The following FRYL variants were observed in gnomAD, a reference collection of about 807,000 sequenced individuals.
FRYL encodes the protein FRY like transcription coactivator, also known as protein furry homolog-like.
A neutral mutation model predicts 351.2 loss-of-function variants in FRYL; 150 were observed. The observed-to-expected ratio is 0.43, with a 90% confidence interval of 0.37 to 0.49. FRYL has a LOEUF of 0.49. FRYL is among the 20% of genes least tolerant of loss of function. The probability of loss-of-function intolerance (pLI) is 0.00; values close to 1 mark genes in which losing one functional copy is unlikely to be tolerated. For synonymous variants in FRYL, 1,153 were observed against 1,257.1 expected (o/e 0.92, Z 1.75); for missense variants, 3,036 against 3,619.3 (o/e 0.84, Z 4.13).
At chr4:48,499,837 AC>A (rs1178821238) in intron 63 of FRYL, among the ~76,000 whole-genome samples, 157 bp from the exon 64 acceptor site, 2 of 152,344 alleles carry the variant, frequency 1.3e-5, no homozygotes, top group South Asian at 2.1e-4. Context: ...ACCTGAATTC[AC>A]TTTCAAAGTA....
At position 48,659,531 on chromosome 4, in the gene FRYL, G is replaced by A. The variant is rs149915944; in HGVS notation, c.-80-25041C>T. ...GAAGAAGAGGGAGAAGAGGGAGAAG[G>A]AGAAGAGGGAGAAGGAGAAGAGGGA... On this transcript the variant is annotated intron_variant, in intron 3 of 63. Transcript: ENST00000358350. 0.03 allele frequency among the ~76,000 whole-genome samples: 32 copies of A among 1,060 alleles called. 13 individuals are homozygous for A. The Non-Finnish European group carries it at 0.78, about 26-fold the overall frequency. The allele number at this position is 1,060 out of a possible 152,430, so 0.7% of individuals were successfully genotyped here. A position where few individuals can be genotyped will look rare whatever the true frequency, so the allele number is the denominator to read the frequency against.
At chr4:48,634,581 T>A in intron 3 of FRYL, 91 bp from the exon 4 acceptor site, 1 of 883,148 alleles carries the variant, frequency 1.1e-6, no homozygotes, top group Non-Finnish European at 1.7e-6. Flanking sequence ...AAGCTGCCTC[T>A]AACCCTCAAC....
chr4:48,602,491 A>C (rs1487255129), intron 12 of FRYL, among the ~76,000 whole-genome samples: 1 of 152,100 alleles, frequency 6.6e-6, no homozygotes. Context: ...TACATTAGGT[A>C]CTCTAAGCCT....
At chr4:48,689,467 T>A (rs932335763) in intron 2 of FRYL, among the ~76,000 whole-genome samples, 18 of 152,134 alleles carry the variant, frequency 1.2e-4, no homozygotes, top group African/African-American at 4.1e-4. Flanking sequence ...CAAGAGAAAA[T>A]TTTTGGACAA....
intron 43 of FRYL, among the ~76,000 whole-genome samples, chr4:48,544,298 G>T (rs1730866133): frequency 4.6e-5 from 7 of 152,052 alleles, no homozygotes; most frequent in Admixed American, 4.6e-4. Context: ...AGTGTCTCTG[G>T]CCTCAACCCA....
intron 1 of FRYL, among the ~76,000 whole-genome samples, chr4:48,755,240 A>G (rs2149672279): frequency 6.6e-6 from 1 of 152,266 alleles, no homozygotes; most frequent in East Asian, 1.9e-4. Flanking sequence ...ATCCAGCTCC[A>G]CACTAAGTTA....
intron 1 of FRYL, among the ~76,000 whole-genome samples, chr4:48,775,775 G>A (rs1260390574): frequency 6.6e-6 from 1 of 152,136 alleles, no homozygotes; most frequent in African/African-American, 2.4e-5. Context: ...CTGGGGTAAA[G>A]GCAGATAAAC....
intron 2 of FRYL, among the ~76,000 whole-genome samples, chr4:48,690,484 C>T (rs1336640290): frequency 6.6e-6 from 1 of 152,094 alleles, no homozygotes; most frequent in African/African-American, 2.4e-5. Flanking sequence ...CTCCCTACCA[C>T]CCAAACCTAT....
chr4:48,653,872 C>G, intron 3 of FRYL: 1 of 1,280,576 alleles, frequency 7.8e-7, no homozygotes, highest in Admixed American at 2.4e-5. Context: ...GCCGTTCTGT[C>G]TCTCCAAGCC....
chr4:48,669,793 C>T (rs1222812961), intron 3 of FRYL, among the ~76,000 whole-genome samples: 1 of 151,652 alleles, frequency 6.6e-6, no homozygotes, highest in Non-Finnish European at 1.5e-5. Context: ...TTCTAAAAGC[C>T]AAGGAAATAA....
At chr4:48,542,747 A>G (rs951592300) in intron 44 of FRYL, among the ~76,000 whole-genome samples, 3 of 152,132 alleles carry the variant, frequency 2.0e-5, no homozygotes. Flanking sequence ...CACATTAAAA[A>G]TCTGACCACT....
chr4:48,569,342 T>C (rs1340108659), intron 27 of FRYL, among the ~76,000 whole-genome samples: 1 of 152,240 alleles, frequency 6.6e-6, no homozygotes, highest in African/African-American at 2.4e-5. Flanking sequence ...GTTTCACTCT[T>C]CTCACCCAGG....
intron 1 of FRYL, among the ~76,000 whole-genome samples, chr4:48,767,225 C>A (rs768435759): frequency 1.1e-4 from 16 of 151,978 alleles, no homozygotes; most frequent in Admixed American, 4.6e-4. Context: ...GAAGCACGCA[C>A]CGCCTTCACA....
At chr4:48,504,727 C>T (rs2148718282) in intron 60 of FRYL, among the ~76,000 whole-genome samples, 1 of 152,192 alleles carries the variant, frequency 6.6e-6, no homozygotes, top group Non-Finnish European at 1.5e-5. Context: ...CAACTACTTG[C>T]CTGAGTTGTA....
At chr4:48,771,462 C>T (rs1407000110) in intron 1 of FRYL, among the ~76,000 whole-genome samples, 1 of 152,132 alleles carries the variant, frequency 6.6e-6, no homozygotes, top group African/African-American at 2.4e-5. Context: ...AGTATACATG[C>T]TTAGGGTTTT....
At chr4:48,502,681 G>C in intron 61 of FRYL, 147 bp downstream of exon 61, 1 of 529,626 alleles carries the variant, frequency 1.9e-6, no homozygotes, top group Non-Finnish European at 3.4e-6. Flanking sequence ...ACATTTCATG[G>C]ATTAGGGCTT....
Position 48,523,731 on chromosome 4 carries a change from T to C in FRYL, c.7318-627A>G, listed in dbSNP as rs575429908. On this transcript the variant is annotated intron_variant, in intron 53 of 63. Transcript: ENST00000358350. Reference sequence around the variant, plus strand: ...TAAAACAACATTTCTATGATACACTTTGGCAACACAAACTTTAAGAAAATC... The same window carrying C: ...TAAAACAACATTTCTATGATACACTCTGGCAACACAAACTTTAAGAAAATC... Among the ~76,000 whole-genome samples the C allele has an allele frequency of 1.3e-3, 197 of 152,296 alleles. 1 individual carries two copies. The highest frequency in any genetic ancestry group is 4.2e-3 in the African/African-American group (174 of 41,560).
In FRYL at chr4:48,602,020, C is replaced by G; in HGVS notation, c.1035G>C (p.Lys345Asn). The G allele has an allele frequency of 6.6e-7, 1 of 1,509,466 alleles. No individual in the cohort carries two copies. Among genetic ancestry groups the G allele is most frequent in the South Asian group, 1.1e-5 (1 of 88,454 alleles). The allele number at this position is 1,509,466 out of a possible 1,614,324, so 93.5% of individuals were successfully genotyped here. ...IFLQNCLSHLKNKDPKMSRVA... is the reference protein window; with the variant it reads ...IFLQNCLSHLNNKDPKMSRVA... The stretch of plus-strand genomic sequence containing the variant: ...TATCAGAAGTGTGATTACATCTTAC[C>G]TTTAAATGTGACAAACAGTTCTGTA... The change falls in exon 13 of 64, where the codon AAG (lysine) becomes AAC (asparagine). Residue 345 changes from lysine (K) to asparagine (N), a missense_variant and splice_region_variant. Transcript: ENST00000358350.
Position 48,741,630 on chromosome 4 carries a change from A to T in FRYL, c.-383-30932T>A, listed in dbSNP as rs370583997. Reference sequence around the variant, plus strand: ...AGGATCACCTGAGCCTAGGAGGTGGAGGTTGCAGTGAACCGAAATGGCGCC... The same window carrying T: ...AGGATCACCTGAGCCTAGGAGGTGGTGGTTGCAGTGAACCGAAATGGCGCC... On this transcript the variant is annotated intron_variant, in intron 1 of 63. Transcript: ENST00000358350. 2.0e-5 allele frequency among the ~76,000 whole-genome samples: 3 copies of T among 152,160 alleles called. 1 individual carries two copies. The East Asian group carries it at 5.8e-4, about 29-fold the overall frequency.
Sources: gnomAD v4.1 joint callset for allele counts (sites outside exome capture counted in the v4.1 genomes callset) on GRCh38, gnomAD v4.1.1 for gene constraint, MANE v1.5 for transcripts, NCBI Gene and HGNC (gene_info 2026-07-23, HGNC 2026-07-21) for gene names.